The following HSD17B11 variants were observed in gnomAD, a reference collection of about 807,000 sequenced individuals.
The protein encoded by HSD17B11 is hydroxysteroid 17-beta dehydrogenase 11, also known as estradiol 17-beta-dehydrogenase 11.
Under a neutral mutation model 27.8 loss-of-function variants are expected in HSD17B11, and 22 were observed. The ratio of observed to expected loss-of-function variants is 0.79; its 90% CI spans 0.56 to 1.13. The LOEUF is 1.13. Among genes scored for constraint, HSD17B11 ranks in the 50% most tolerant of loss-of-function variants. The probability of loss-of-function intolerance (pLI) is 0.00; values close to 1 mark genes in which losing one functional copy is unlikely to be tolerated. For synonymous variants in HSD17B11, 117 were observed against 132.8 expected (o/e 0.88, Z 0.82); for missense variants, 314 against 351.1 (o/e 0.89, Z 0.84).
intron 3 of HSD17B11, 121 bp from the exon 4 acceptor site, chr4:87,372,936 AAACT>A (rs990813578): frequency 1.1e-4 from 71 of 631,888 alleles, no homozygotes; most frequent in Non-Finnish European, 1.6e-4. Context: ...TGAAAAAAAC[AAACT>A]AACTGACAAA....
chr4:87,369,319 C>A (rs1735665936), intron 4 of HSD17B11, among the ~76,000 whole-genome samples: 3 of 152,018 alleles, frequency 2.0e-5, no homozygotes, highest in Admixed American at 2.0e-4. Flanking sequence ...TTTTTGCCCC[C>A]TGCACTTTGT....
chr4:87,364,414 G>A (rs569973257), intron 4 of HSD17B11, among the ~76,000 whole-genome samples: 4 of 152,080 alleles, frequency 2.6e-5, no homozygotes, highest in African/African-American at 4.8e-5. Context: ...GGGGGAGGGG[G>A]GTTATCAGCA....
intron 1 of HSD17B11, among the ~76,000 whole-genome samples, chr4:87,388,398 C>A (rs1422270785): frequency 6.6e-6 from 1 of 152,216 alleles, no homozygotes; most frequent in South Asian, 2.1e-4. Context: ...CTACTACCTA[C>A]CACTGTGTTG....
chr4:87,380,110 C>CAA (rs201265561), intron 2 of HSD17B11, among the ~76,000 whole-genome samples: 10 of 119,148 alleles, frequency 8.4e-5, no homozygotes, highest in African/African-American at 1.5e-4. Context: ...GACTCTGTCT[C>CAA]AAAAAAAAAA....
chr4:87,356,688 C>G (rs1161718594), intron 5 of HSD17B11, among the ~76,000 whole-genome samples: 1 of 152,152 alleles, frequency 6.6e-6, no homozygotes, highest in East Asian at 1.9e-4. Context: ...GACATTAAAG[C>G]TATTTCTAAA....
intron 5 of HSD17B11, among the ~76,000 whole-genome samples, chr4:87,343,677 A>C (rs1735215664): frequency 6.6e-6 from 1 of 151,388 alleles, no homozygotes; most frequent in South Asian, 2.1e-4. Flanking sequence ...CCTCCCAAGT[A>C]GCTGGGATTA....
rs530754507 is a variant in HSD17B11, at chr4:87,358,887, T to C, written c.558-1471A>G. Among the ~76,000 whole-genome samples the C allele has an allele frequency of 2.6e-5, 4 of 152,300 alleles. No individual in the cohort carries two copies. In the South Asian group the frequency reaches 8.3e-4, roughly 32 times the overall value. Reference sequence around the variant, plus strand: ...GTCCCCACCCAAATCTCATCAACAATTGTAATCCGAATTGTAATCCCCACA... The same window carrying C: ...GTCCCCACCCAAATCTCATCAACAACTGTAATCCGAATTGTAATCCCCACA... On this transcript the variant is annotated intron_variant, in intron 4 of 6. Coordinates refer to ENST00000358290, the MANE Select transcript of HSD17B11 (RefSeq NM_016245.5).
chr4:87,372,820 A>G lies in HSD17B11; in HGVS notation c.451-5T>C. On this transcript the variant is annotated splice_polypyrimidine_tract_variant and splice_region_variant and intron_variant, in intron 3 of 6. Coordinates refer to ENST00000358290, the MANE Select transcript of HSD17B11 (RefSeq NM_016245.5). ...AGGAAGAAATGCCTTTGTAGTCTAC[A>G]AATAGTTTTTATTAAAAGAGAAAAA... 1 of 1,568,072 alleles carries G rather than the reference A, an allele frequency of 6.4e-7. No individual in the cohort carries two copies. The highest frequency in any genetic ancestry group is 8.7e-7 in the Non-Finnish European group (1 of 1,146,324).
At chr4:87,366,204 A>G (rs1735611299) in intron 4 of HSD17B11, 1 of 152,174 alleles carries the variant, frequency 6.6e-6, no homozygotes, top group Admixed American at 6.5e-5. Flanking sequence ...CTGTGTATGA[A>G]CATATTAGCT....
intron 5 of HSD17B11, among the ~76,000 whole-genome samples, chr4:87,353,304 C>A (rs1578035457): frequency 6.6e-6 from 1 of 152,214 alleles, no homozygotes; most frequent in African/African-American, 2.4e-5. Context: ...AACCTCAGAT[C>A]TCTCTCATCT....
At chr4:87,340,717 TG>T in intron 5 of HSD17B11, 111 bp from the exon 6 acceptor site, 1 of 676,516 alleles carries the variant, frequency 1.5e-6, no homozygotes, top group Non-Finnish European at 2.6e-6. Flanking sequence ...ATAACTGATT[TG>T]TAGTGTCTAG....
intron 2 of HSD17B11, among the ~76,000 whole-genome samples, chr4:87,381,752 C>T (rs376046649): frequency 0.013 from 1,325 of 100,254 alleles, 20 homozygotes; most frequent in African/African-American, 0.054. Context: ...GAGTGAGACC[C>T]CCCATCTCAA....
At chr4:87,369,670 A>T (rs1040059258) in intron 4 of HSD17B11, among the ~76,000 whole-genome samples, 1 of 152,182 alleles carries the variant, frequency 6.6e-6, no homozygotes, top group Admixed American at 6.6e-5. Flanking sequence ...CCTGAGCTCA[A>T]GTGATCCTCC....
chr4:87,340,597 G>A lies in HSD17B11; in HGVS notation c.705C>T (p.Pro235=). The A allele has an allele frequency of 6.2e-7, 1 of 1,609,770 alleles. No individual in the cohort carries two copies. The highest frequency in any genetic ancestry group is 8.5e-7 in the Non-Finnish European group (1 of 1,177,426). ...FIKNPSTSLG[P]TLEPEEVVNR... ...TTACCACTTCCTCAGGTTCCAGAGT[G>A]GGTCCCAAACTGAAATCAGAGTCAG... The change falls in exon 6 of 7, where the codon CCC becomes CCT. Residue 235 remains proline (P), a synonymous_variant. Transcript: ENST00000358290.
At chr4:87,375,846 T>C (rs1281594833) in intron 2 of HSD17B11, among the ~76,000 whole-genome samples, 2 of 152,234 alleles carry the variant, frequency 1.3e-5, no homozygotes, top group Admixed American at 1.3e-4. Context: ...TTTATTTCTG[T>C]TTATTTTCTG....
chr4:87,337,704 A>G (rs956583488), intron 6 of HSD17B11, among the ~76,000 whole-genome samples: 1 of 152,238 alleles, frequency 6.6e-6, no homozygotes. Context: ...TGAGAATAGG[A>G]ACTAATTTTG....
At chr4:87,359,259 A>G (rs1735460027) in intron 4 of HSD17B11, among the ~76,000 whole-genome samples, 1 of 152,250 alleles carries the variant, frequency 6.6e-6, no homozygotes, top group African/African-American at 2.4e-5. Flanking sequence ...TTGTTAGATT[A>G]AATTATATGA....
intron 5 of HSD17B11, among the ~76,000 whole-genome samples, chr4:87,346,136 A>C (rs114740049): frequency 0.02 from 3,090 of 152,332 alleles, 66 homozygotes; most frequent in South Asian, 0.05. Context: ...AAAACAGTGA[A>C]ATATACCATT....
chr4:87,345,523 G>T (rs577036935), intron 5 of HSD17B11, among the ~76,000 whole-genome samples: 1 of 151,938 alleles, frequency 6.6e-6, no homozygotes, highest in South Asian at 2.1e-4. Flanking sequence ...ACTTAAAATA[G>T]GTTCTTTAAA....
Sources: allele counts gnomAD v4.1 joint callset (sites outside exome capture counted in the v4.1 genomes callset), GRCh38; gene constraint gnomAD v4.1.1; transcripts MANE v1.5; gene names NCBI Gene and HGNC (gene_info 2026-07-23, HGNC 2026-07-21).